RAB22A: variants seen among roughly 807,000 people sequenced by gnomAD.
RAB22A encodes ras-related protein Rab-22A.
RAB22A carries 13 observed loss-of-function variants against 30.2 expected under a neutral mutation model. The ratio of observed to expected loss-of-function variants is 0.43; its 90% CI spans 0.28 to 0.68. RAB22A has a LOEUF of 0.68. Ranked by LOEUF, RAB22A falls within the 30% of genes least tolerant of loss-of-function variation. RAB22A has a pLI of 0.18. For synonymous variants in RAB22A, 89 were observed against 87.2 expected (o/e 1.02, Z -0.11); for missense variants, 177 against 246.8 (o/e 0.72, Z 1.89).
chr20:58,353,151 G>C (rs519141), intron 3 of RAB22A, 122 bp from the exon 4 acceptor site: 407,150 of 887,032 alleles, frequency 0.46, 95,620 homozygotes, highest in South Asian at 0.66. Flanking sequence ...AAAGCAGCAT[G>C]TCATTTTCTT....
intron 2 of RAB22A, among the ~76,000 whole-genome samples, chr20:58,318,997 T>G (rs1986400208): frequency 6.6e-6 from 1 of 152,232 alleles, no homozygotes. Flanking sequence ...ATGGAAAGCA[T>G]TTGTTATTTC....
At chr20:58,349,561 G>C (rs897249428) in intron 3 of RAB22A, among the ~76,000 whole-genome samples, 1 of 152,192 alleles carries the variant, frequency 6.6e-6, no homozygotes, top group African/African-American at 2.4e-5. Context: ...AGACAGCAGA[G>C]ATTTCAGCTG....
Position 58,363,061 on chromosome 20 carries a change from A to G in RAB22A, c.*3358A>G, listed in dbSNP as rs548567916. The G allele has an allele frequency of 2.6e-5, 4 of 152,358 alleles. No homozygotes were observed. Among genetic ancestry groups the G allele is most frequent in the South Asian group, 2.1e-4 (1 of 4,828 alleles). The allele number at this position is 152,358 out of a possible 1,614,324, so 9.4% of individuals were successfully genotyped here. A position where few individuals can be genotyped will look rare whatever the true frequency, so the allele number is the denominator to read the frequency against. On this transcript the variant is annotated 3_prime_UTR_variant, in exon 7 of 7. Coordinates refer to ENST00000244040, the MANE Select transcript of RAB22A (RefSeq NM_020673.3). ...AAGCCTTCTAAATTAAACTCTGGGA[A>G]ATATAGTAATGAAAATATCCTTTAG...
At chr20:58,310,171 C>A (rs1413546726) in intron 1 of RAB22A, among the ~76,000 whole-genome samples, 159 bp downstream of exon 1, 3 of 151,974 alleles carry the variant, frequency 2.0e-5, no homozygotes, top group African/African-American at 7.3e-5. Flanking sequence ...GTCCCGCCCA[C>A]CTCTTGCACT....
intron 2 of RAB22A, among the ~76,000 whole-genome samples, chr20:58,333,124 A>G (rs1051091282): frequency 3.3e-5 from 5 of 152,036 alleles, no homozygotes; most frequent in African/African-American, 1.2e-4. Context: ...TACTAAAAAT[A>G]CAAAAATTAG....
chr20:58,342,209 A>G (rs909694947), intron 2 of RAB22A, among the ~76,000 whole-genome samples: 1 of 152,236 alleles, frequency 6.6e-6, no homozygotes, highest in Non-Finnish European at 1.5e-5. Flanking sequence ...TCTTGATACA[A>G]TAACCATTTA....
intron 2 of RAB22A, among the ~76,000 whole-genome samples, chr20:58,317,980 T>G (rs1331809420): frequency 1.3e-5 from 2 of 152,204 alleles, no homozygotes; most frequent in Non-Finnish European, 2.9e-5. Context: ...CTCAGCCTCC[T>G]GAGTAGCTAG....
At chr20:58,310,226 C>T (rs1986195926) in intron 1 of RAB22A, among the ~76,000 whole-genome samples, 1 of 152,280 alleles carries the variant, frequency 6.6e-6, no homozygotes, top group African/African-American at 2.4e-5. Context: ...CCCTTCCCCT[C>T]CCTGGAGCCC....
Position 58,365,371 on chromosome 20 carries a change from T to G in RAB22A, c.*5668T>G, listed in dbSNP as rs1987297553. On this transcript the variant is annotated 3_prime_UTR_variant, in exon 7 of 7. Coordinates refer to ENST00000244040, the MANE Select transcript of RAB22A (RefSeq NM_020673.3). ...GGCCCACTGGCATGAGTAGTCCCTG[T>G]GCCCATGCCCATGGTGGTGCTTGAC... is the stretch of plus-strand genomic sequence containing the variant. 1 of 152,270 alleles carries G rather than the reference T, an allele frequency of 6.6e-6. No homozygotes were observed. Among genetic ancestry groups the G allele is most frequent in the Admixed American group, 6.5e-5 (1 of 15,290 alleles). 9.4% of individuals were successfully genotyped at this position (152,270 alleles called of 1,614,324 possible). A position where few individuals can be genotyped will look rare whatever the true frequency, so the allele number is the denominator to read the frequency against.
At chr20:58,341,803 T>C (rs1986857867) in intron 2 of RAB22A, among the ~76,000 whole-genome samples, 1 of 152,224 alleles carries the variant, frequency 6.6e-6, no homozygotes, top group African/African-American at 2.4e-5. Flanking sequence ...TTATTGTGTA[T>C]ACCTTTCTCA....
In RAB22A at chr20:58,320,991, A is replaced by C. The variant is rs559060350; in HGVS notation, c.116+9869A>C. 5.3e-5 allele frequency among the ~76,000 whole-genome samples: 8 copies of C among 152,216 alleles called. No individual in the cohort carries two copies. In the East Asian group the frequency reaches 1.4e-3, roughly 26 times the overall value. Reference sequence around the variant, plus strand: ...TAGATCATGGGGTCAACAGATCGAGACCATCCTGGCCAACATGGTAAAACC... The same window carrying C: ...TAGATCATGGGGTCAACAGATCGAGCCCATCCTGGCCAACATGGTAAAACC... On this transcript the variant is annotated intron_variant, in intron 2 of 6. Coordinates refer to ENST00000244040, the MANE Select transcript of RAB22A (RefSeq NM_020673.3).
chr20:58,324,037 T>C (rs777887091), intron 2 of RAB22A, among the ~76,000 whole-genome samples: 18 of 152,190 alleles, frequency 1.2e-4, no homozygotes, highest in Non-Finnish European at 2.1e-4. Flanking sequence ...GACTATCATA[T>C]AAATACTTTT....
intron 1 of RAB22A, among the ~76,000 whole-genome samples, chr20:58,310,388 G>A (rs1372499655): frequency 6.6e-6 from 1 of 152,150 alleles, no homozygotes; most frequent in African/African-American, 2.4e-5. Flanking sequence ...CCAATAACAG[G>A]TCTTTAGGTT....
chr20:58,365,421 A>G lies in RAB22A; in HGVS notation c.*5718A>G, dbSNP rs1193440465. On this transcript the variant is annotated 3_prime_UTR_variant, in exon 7 of 7. Transcript: ENST00000244040. Reference sequence around the variant, plus strand: ...CTTTGCTTTGGGGCTTAATCCTAGTATCATTTGGCCATTAATTTTTAATTA... The same window carrying G: ...CTTTGCTTTGGGGCTTAATCCTAGTGTCATTTGGCCATTAATTTTTAATTA... 6.6e-6 allele frequency: 1 copy of G among 152,172 alleles called. No homozygotes were observed. Among genetic ancestry groups the G allele is most frequent in the Non-Finnish European group, 1.5e-5 (1 of 68,046 alleles). The allele number at this position is 152,172 out of a possible 1,614,324, so 9.4% of individuals were successfully genotyped here.
intron 2 of RAB22A, among the ~76,000 whole-genome samples, chr20:58,329,074 G>GTTTTTT (rs1986619443): frequency 7.7e-6 from 1 of 130,354 alleles, no homozygotes. Context: ...TTTTTTTTGA[G>GTTTTTT]GCAGAGCCTC....
chr20:58,359,789 A>G lies in RAB22A; in HGVS notation c.*86A>G. Reference sequence around the variant, plus strand: ...GCTGGGGTCCCTGCCACCAGTTTTCACCTAGCCAGTCTTGAGTCTTCTCCG... The same window carrying G: ...GCTGGGGTCCCTGCCACCAGTTTTCGCCTAGCCAGTCTTGAGTCTTCTCCG... On this transcript the variant is annotated 3_prime_UTR_variant, in exon 7 of 7. Transcript: ENST00000244040. The G allele has an allele frequency of 2.4e-6, 3 of 1,230,644 alleles. No homozygotes were observed. Among genetic ancestry groups the G allele is most frequent in the Non-Finnish European group, 3.5e-6 (3 of 862,854 alleles). The allele number at this position is 1,230,644 out of a possible 1,614,324, so 76.2% of individuals were successfully genotyped here. A position where few individuals can be genotyped will look rare whatever the true frequency, so the allele number is the denominator to read the frequency against.
chr20:58,347,043 A>G (rs1235100846), intron 3 of RAB22A, among the ~76,000 whole-genome samples: 1 of 152,184 alleles, frequency 6.6e-6, no homozygotes, highest in African/African-American at 2.4e-5. Context: ...TCCTCTACCT[A>G]CTTTTACCAT....
chr20:58,313,656 T>C (rs1024009939), intron 2 of RAB22A, among the ~76,000 whole-genome samples: 8 of 152,188 alleles, frequency 5.3e-5, no homozygotes, highest in Non-Finnish European at 1.2e-4. Context: ...CCAGTTTCCA[T>C]CTAATAGCCA....
chr20:58,325,497 G>A (rs944383482), intron 2 of RAB22A, among the ~76,000 whole-genome samples: 1 of 151,954 alleles, frequency 6.6e-6, no homozygotes, highest in African/African-American at 2.4e-5. Context: ...CAAAAAACTT[G>A]ACTGTGGCTT....
Sources: allele counts gnomAD v4.1 joint callset (sites outside exome capture counted in the v4.1 genomes callset), GRCh38; gene constraint gnomAD v4.1.1; transcripts MANE v1.5; gene names NCBI Gene and HGNC (gene_info 2026-07-23, HGNC 2026-07-21).